Variants in ARHGAP29 observed in about 807,000 individuals in gnomAD.
ARHGAP29 encodes the protein Rho GTPase activating protein 29.
In ARHGAP29, 43 loss-of-function variants were observed where a neutral mutation model predicts 122.6. That is an observed-to-expected ratio of 0.35 (90% CI 0.27 to 0.45). ARHGAP29 has a LOEUF of 0.45. ARHGAP29 is among the 20% of genes least tolerant of loss of function. The pLI is 1.00. For missense variants in ARHGAP29, 1,303 were observed against 1,477.2 expected, an observed-to-expected ratio of 0.88 and a Z score of 1.93; for synonymous variants, 506 against 497.1, an observed-to-expected ratio of 1.02 and a Z score of -0.24.
At chr1:94,223,991 T>C (rs1160491077) in intron 2 of ARHGAP29, among the ~76,000 whole-genome samples, 1 of 152,070 alleles carries the variant, frequency 6.6e-6, no homozygotes, top group Non-Finnish European at 1.5e-5. Context: ...TTGTATTTAG[T>C]AGAGACGAGG....
chr1:94,182,450 C>T lies in ARHGAP29; in HGVS notation c.2247+1701G>A, dbSNP rs960507686. Among the ~76,000 whole-genome samples the T allele has an allele frequency of 5.9e-5, 9 of 152,040 alleles. 1 individual carries two copies. Among genetic ancestry groups the T allele is most frequent in the Non-Finnish European group, 1.3e-4 (9 of 67,998 alleles). On this transcript the variant is annotated intron_variant, in intron 19 of 22. Transcript: ENST00000260526. ...AAAGGACTAACCAGGATTGGCAGCGCTTATGGAGTGCCCTGAATAGTGGAT... is the reference window on the plus strand; with the variant it reads ...AAAGGACTAACCAGGATTGGCAGCGTTTATGGAGTGCCCTGAATAGTGGAT...
upstream of ARHGAP29, chr1:94,237,750 G>C (rs1653394007): frequency 1.0e-6 from 1 of 984,998 alleles, no homozygotes; most frequent in African/African-American, 1.7e-5. Context: ...CGTCAGTTGC[G>C]CGCGGCCGGA....
At chr1:94,217,212 C>A (rs1261102319) in intron 3 of ARHGAP29, among the ~76,000 whole-genome samples, 1 of 152,082 alleles carries the variant, frequency 6.6e-6, no homozygotes, top group Non-Finnish European at 1.5e-5. Context: ...TAGGTCACTG[C>A]TGTTTTTTAA....
intron 22 of ARHGAP29, chr1:94,176,995 T>C (rs1041282566): frequency 3.3e-5 from 5 of 151,654 alleles, no homozygotes; most frequent in Non-Finnish European, 7.4e-5. Context: ...AACTGGAATT[T>C]AGCTATAACA....
intron 1 of ARHGAP29, among the ~76,000 whole-genome samples, chr1:94,270,578 A>G (rs920561209): frequency 6.6e-6 from 1 of 152,184 alleles, no homozygotes; most frequent in Non-Finnish European, 1.5e-5. Context: ...AGTAAATTTC[A>G]TGAGCAGGTG....
chr1:94,244,889 C>T (rs1470421121), intron 1 of ARHGAP29, among the ~76,000 whole-genome samples: 1 of 152,020 alleles, frequency 6.6e-6, no homozygotes, highest in Non-Finnish European at 1.5e-5. Context: ...GGAACTCTTA[C>T]AATTCAATAA....
At position 94,188,224 on chromosome 1, in the gene ARHGAP29, CTATT is replaced by C. The variant is rs775555685; in HGVS notation, c.1681+609_1681+612del. Among the ~76,000 whole-genome samples, 37 of 152,092 alleles carry C rather than the reference CTATT, an allele frequency of 2.4e-4. 2 individuals are homozygous for C. The highest frequency in any genetic ancestry group is 7.7e-4 in the East Asian group (4 of 5,196). On this transcript the variant is annotated intron_variant, in intron 15 of 22. Coordinates refer to ENST00000260526, the MANE Select transcript of ARHGAP29 (RefSeq NM_004815.4). ...TAAGGGAGAATTCAAATCGCTTACTCTATTTCTCTCTGGGGATCATGAGATAATC... is the reference window on the plus strand; with the variant it reads ...TAAGGGAGAATTCAAATCGCTTACTCTCTCTCTGGGGATCATGAGATAATC...
chr1:94,232,555 A>T (rs1378283258), intron 1 of ARHGAP29, among the ~76,000 whole-genome samples: 2 of 152,200 alleles, frequency 1.3e-5, no homozygotes, highest in African/African-American at 4.8e-5. Context: ...TATGAGAAGA[A>T]TTTAGATTTG....
chr1:94,236,671 G>A (rs1653284247), intron 1 of ARHGAP29, among the ~76,000 whole-genome samples: 1 of 151,734 alleles, frequency 6.6e-6, no homozygotes, highest in East Asian at 1.9e-4. Context: ...CAGCTCACCC[G>A]CCCCCCAAAA....
chr1:94,281,650 TCTC>T, the ARHGAP29 span, among the ~76,000 whole-genome samples: 1 of 152,096 alleles, frequency 6.6e-6, no homozygotes, highest in African/African-American at 2.4e-5. Context: ...CACATAGACT[TCTC>T]CCCCAGTAGG....
At chr1:94,240,975 G>A (rs1251366230), upstream of ARHGAP29, among the ~76,000 whole-genome samples, 3 of 152,042 alleles carry the variant, frequency 2.0e-5, no homozygotes, top group Admixed American at 6.6e-5. Context: ...GACAATATCT[G>A]GAGACATTTT....
intron 1 of ARHGAP29, among the ~76,000 whole-genome samples, chr1:94,237,041 ATGGAG>A (rs1055921275): frequency 6.6e-6 from 1 of 152,234 alleles, no homozygotes; most frequent in African/African-American, 2.4e-5. Context: ...TCGAACAATC[ATGGAG>A]TGTTCTGAAC....
chr1:94,258,761 T>C (rs1654455365), intron 1 of ARHGAP29, among the ~76,000 whole-genome samples: 1 of 152,226 alleles, frequency 6.6e-6, no homozygotes, highest in Admixed American at 6.5e-5. Flanking sequence ...ATAAGGAAGA[T>C]ATTATGATCT....
At chr1:94,233,260 A>C (rs1267287478) in intron 1 of ARHGAP29, among the ~76,000 whole-genome samples, 1 of 152,044 alleles carries the variant, frequency 6.6e-6, no homozygotes, top group Non-Finnish European at 1.5e-5. Flanking sequence ...GCCCACTAGG[A>C]AGTTTTATGT....
chr1:94,249,764 A>G (rs1452623196), intron 1 of ARHGAP29, among the ~76,000 whole-genome samples: 2 of 151,958 alleles, frequency 1.3e-5, no homozygotes, highest in Non-Finnish European at 2.9e-5. Flanking sequence ...AAAAAAAAAA[A>G]GAAAGAAAAT....
intron 1 of ARHGAP29, among the ~76,000 whole-genome samples, chr1:94,269,611 A>G (rs932040849): frequency 6.6e-6 from 1 of 152,158 alleles, no homozygotes; most frequent in Non-Finnish European, 1.5e-5. Context: ...GGTAAGGAAA[A>G]GACAGTTTAC....
At chr1:94,181,391 T>C (rs181653401) in intron 19 of ARHGAP29, among the ~76,000 whole-genome samples, 6 of 152,186 alleles carry the variant, frequency 3.9e-5, no homozygotes, top group Admixed American at 3.9e-4. Context: ...ATGGGCAATG[T>C]CAAACACAAA....
chr1:94,233,289 T>C (rs1327171349), intron 1 of ARHGAP29, among the ~76,000 whole-genome samples: 4 of 152,108 alleles, frequency 2.6e-5, no homozygotes, highest in Non-Finnish European at 5.9e-5. Flanking sequence ...TTTCTAGTCA[T>C]ATGTAAGATA....
the ARHGAP29 span, among the ~76,000 whole-genome samples, chr1:94,314,354 G>A: frequency 4.3e-4 from 65 of 152,256 alleles, no homozygotes; most frequent in South Asian, 0.012. Context: ...CCATCTGGGC[G>A]GGCATCAGGG....
Sources: allele counts gnomAD v4.1 joint callset (sites outside exome capture counted in the v4.1 genomes callset), GRCh38; gene constraint gnomAD v4.1.1; transcripts MANE v1.5; gene names NCBI Gene and HGNC (gene_info 2026-07-23, HGNC 2026-07-21).